The following LRRTM4 variants were observed in gnomAD, a reference collection of about 807,000 sequenced individuals.
LRRTM4 encodes the protein leucine rich repeat transmembrane neuronal 4.
LRRTM4 carries 25 observed loss-of-function variants against 47.6 expected under a neutral mutation model. The ratio of observed to expected loss-of-function variants is 0.53; its 90% CI spans 0.38 to 0.73. The LOEUF (loss-of-function observed/expected upper bound fraction) is 0.73. LRRTM4 is among the 30% of genes least tolerant of loss of function. LRRTM4 has a pLI of 0.00. For synonymous variants in LRRTM4, 311 were observed against 269.5 expected (o/e 1.15, Z -1.51); for missense variants, 638 against 713.4 (o/e 0.89, Z 1.20).
intron 3 of LRRTM4, among the ~76,000 whole-genome samples, chr2:76,844,549 A>T (rs1453287468): frequency 1.3e-5 from 2 of 152,150 alleles, no homozygotes; most frequent in African/African-American, 4.8e-5. Context: ...AAGTTAAATG[A>T]AACTATTTTT....
chr2:77,387,510 CA>C (rs1229598333), intron 3 of LRRTM4, among the ~76,000 whole-genome samples: 4 of 152,082 alleles, frequency 2.6e-5, no homozygotes, highest in Non-Finnish European at 5.9e-5. Context: ...AGTTGTCATG[CA>C]AATCCAGTAC....
chr2:76,859,268 G>A (rs1338570841), intron 3 of LRRTM4, among the ~76,000 whole-genome samples: 1 of 151,948 alleles, frequency 6.6e-6, no homozygotes, highest in Non-Finnish European at 1.5e-5. Context: ...GTTTCTTTCT[G>A]TAAGTTATAT....
chr2:77,352,506 T>C (rs1182440414), intron 3 of LRRTM4, among the ~76,000 whole-genome samples: 2 of 152,144 alleles, frequency 1.3e-5, no homozygotes, highest in Non-Finnish European at 2.9e-5. Flanking sequence ...AAGTACTCAC[T>C]ATCCCAGGAA....
intron 3 of LRRTM4, among the ~76,000 whole-genome samples, chr2:76,957,134 T>G (rs957006364): frequency 1.3e-4 from 19 of 151,702 alleles, no homozygotes; most frequent in African/African-American, 4.6e-4. Context: ...TTTAAAGACA[T>G]TCTGTTAAGC....
At chr2:76,930,409 G>A (rs1674732951) in intron 3 of LRRTM4, among the ~76,000 whole-genome samples, 1 of 152,090 alleles carries the variant, frequency 6.6e-6, no homozygotes, top group Non-Finnish European at 1.5e-5. Flanking sequence ...CTGTGCTATG[G>A]GTTTTGTTCT....
At chr2:76,838,953 T>A (rs1484862200) in intron 3 of LRRTM4, among the ~76,000 whole-genome samples, 1 of 152,124 alleles carries the variant, frequency 6.6e-6, no homozygotes, top group South Asian at 2.1e-4. Context: ...TAATTTTGTA[T>A]TTACTAACAA....
At chr2:77,251,358 G>A (rs1327441318) in intron 3 of LRRTM4, among the ~76,000 whole-genome samples, 1 of 151,364 alleles carries the variant, frequency 6.6e-6, no homozygotes, top group African/African-American at 2.4e-5. Flanking sequence ...AGATTTTTAA[G>A]CTCAGCAGAG....
At chr2:77,120,915 G>A (rs1244225063) in intron 3 of LRRTM4, among the ~76,000 whole-genome samples, 1 of 151,688 alleles carries the variant, frequency 6.6e-6, no homozygotes, top group African/African-American at 2.4e-5. Flanking sequence ...TTATACAGCA[G>A]TCTACAGTCA....
chr2:77,241,876 C>G (rs1464892898), intron 3 of LRRTM4, among the ~76,000 whole-genome samples: 1 of 152,054 alleles, frequency 6.6e-6, no homozygotes. Flanking sequence ...TTCCCCAACA[C>G]AACTGGTTGA....
At chr2:76,949,324 A>G (rs190393823) in intron 3 of LRRTM4, among the ~76,000 whole-genome samples, 1 of 152,060 alleles carries the variant, frequency 6.6e-6, no homozygotes, top group Admixed American at 6.6e-5. Flanking sequence ...ATGAAGAAGT[A>G]TGAAGAAGTC....
intron 3 of LRRTM4, among the ~76,000 whole-genome samples, chr2:76,810,918 G>C (rs1670712999): frequency 6.6e-6 from 1 of 151,984 alleles, no homozygotes; most frequent in Non-Finnish European, 1.5e-5. Context: ...GTTATTCTGA[G>C]AAATACCATA....
intron 3 of LRRTM4, among the ~76,000 whole-genome samples, chr2:77,220,862 A>G (rs1674602562): frequency 6.6e-6 from 1 of 152,178 alleles, no homozygotes; most frequent in South Asian, 2.1e-4. Flanking sequence ...GAACGCCACA[A>G]AGATACTCCT....
chr2:77,304,974 G>A (rs1385391980), intron 3 of LRRTM4, among the ~76,000 whole-genome samples: 2 of 151,918 alleles, frequency 1.3e-5, no homozygotes, highest in African/African-American at 4.8e-5. Context: ...ATTATGCAGA[G>A]CCTAAATTAG....
chr2:77,338,955 T>C (rs75257106), intron 3 of LRRTM4, among the ~76,000 whole-genome samples: 11,328 of 151,962 alleles, frequency 0.075, 694 homozygotes, highest in East Asian at 0.17. Context: ...TGCAGCAACA[T>C]AGATGCAGCT....
intron 3 of LRRTM4, among the ~76,000 whole-genome samples, chr2:77,327,244 G>A (rs867191887): frequency 1.3e-5 from 2 of 151,940 alleles, no homozygotes; most frequent in Admixed American, 6.6e-5. Context: ...CTAATTATAC[G>A]GTATAAAATA....
rs1162650892 is a variant in LRRTM4 at position 76,849,187 on chromosome 2, G to C, written c.1552-100271C>G. On this transcript the variant is annotated intron_variant, in intron 3 of 3. Coordinates refer to ENST00000409884, the MANE Select transcript of LRRTM4 (RefSeq NM_001134745.3). The stretch of plus-strand genomic sequence containing the variant: ...GTGCTTTGAGAGTAATGTGGGGGGT[G>C]ACAGTGCAGAGAAGAGAAAAGAAAA... 2.6e-5 allele frequency among the ~76,000 whole-genome samples: 4 copies of C among 152,054 alleles called. No homozygotes were observed. The South Asian group carries it at 6.2e-4, about 24-fold the overall frequency.
At chr2:76,797,452 G>C (rs1204203256) in intron 3 of LRRTM4, among the ~76,000 whole-genome samples, 3 of 151,870 alleles carry the variant, frequency 2.0e-5, no homozygotes, top group African/African-American at 4.8e-5. Flanking sequence ...CCCTAAAAGA[G>C]CTCCTGAAGA....
intron 3 of LRRTM4, among the ~76,000 whole-genome samples, chr2:77,071,533 AAAGG>A (rs2103828545): frequency 6.6e-6 from 1 of 152,290 alleles, no homozygotes; most frequent in South Asian, 2.1e-4. Flanking sequence ...GAATTCTTCT[AAAGG>A]AAGACTAACA....
At chr2:77,008,957 A>C (rs1456948388) in intron 3 of LRRTM4, 9 of 151,692 alleles carry the variant, frequency 5.9e-5, no homozygotes, top group African/African-American at 9.7e-5. Flanking sequence ...GAAAAGAAAA[A>C]AAAAACGATG....
Sources: allele counts gnomAD v4.1 joint callset (sites outside exome capture counted in the v4.1 genomes callset), GRCh38; gene constraint gnomAD v4.1.1; transcripts MANE v1.5; gene names NCBI Gene and HGNC (gene_info 2026-07-23, HGNC 2026-07-21).